Variants in ZNF320 observed in about 807,000 individuals in gnomAD.
The protein encoded by ZNF320 is zinc finger protein 320, also known as zinc finger gene 320.
Under a neutral mutation model 6.8 loss-of-function variants are expected in ZNF320, and 2 were observed. The observed-to-expected ratio is 0.29, with a 90% CI of 0.12 to 0.93. The LOEUF is 0.93. ZNF320 is among the 40% of genes least tolerant of loss of function. The probability of loss-of-function intolerance (pLI) is 0.55; values close to 1 mark genes in which losing one functional copy is unlikely to be tolerated. For synonymous variants in ZNF320, 208 were observed against 203.2 expected (o/e 1.02, Z -0.20); for missense variants, 472 against 611.0 (o/e 0.77, Z 2.40).
exon 6 of ZNF320, chr19:52,862,140 T>C (rs937979335): frequency 3.0e-5 from 12 of 404,032 alleles, no homozygotes; most frequent in Non-Finnish European, 3.5e-5. Flanking sequence ...GCAACAGTTC[T>C]AGCATTACCA....
chr19:52,871,182 TG>T (rs2063674927), downstream of ZNF320, among the ~76,000 whole-genome samples: 1 of 152,084 alleles, frequency 6.6e-6, no homozygotes, highest in Non-Finnish European at 1.5e-5. Flanking sequence ...TAGCCGCTTG[TG>T]GTGACACATG....
Position 52,866,917 on chromosome 19 carries a change from C to T in ZNF320, c.224-2758G>A, listed in dbSNP as rs137965569. On this transcript the variant is annotated intron_variant, in intron 5 of 5. Transcript: ENST00000673631. Reference sequence around the variant, plus strand: ...AAAAGAAATGACTAACAGTGTCAGACGGCTGAATTATGATGTCACGACTAC... The same window carrying T: ...AAAAGAAATGACTAACAGTGTCAGATGGCTGAATTATGATGTCACGACTAC... Among the ~76,000 whole-genome samples, 257 of 148,950 alleles carry T rather than the reference C, an allele frequency of 1.7e-3. 2 individuals are homozygous for T. Among genetic ancestry groups the T allele is most frequent in the Non-Finnish European group, 2.1e-3 (144 of 67,586 alleles).
chr19:52,888,978 G>C (rs1360627040), intron 4 of ZNF320, among the ~76,000 whole-genome samples: 1 of 152,076 alleles, frequency 6.6e-6, no homozygotes, highest in Non-Finnish European at 1.5e-5. Flanking sequence ...GAGGTCAGCA[G>C]TTTGAGACTA....
intron 5 of ZNF320, chr19:52,865,434 TTATA>T (rs1555814106): frequency 7.2e-5 from 11 of 153,294 alleles, no homozygotes; most frequent in East Asian, 5.2e-4. Context: ...GGTCCAGGCT[TTATA>T]TATATATATA....
chr19:52,874,631 C>A (rs901398549), downstream of ZNF320, among the ~76,000 whole-genome samples: 1 of 152,180 alleles, frequency 6.6e-6, no homozygotes, highest in South Asian at 2.1e-4. Flanking sequence ...GCTCTGCTCT[C>A]CACTTGGGGA....
intron 5 of ZNF320, among the ~76,000 whole-genome samples, chr19:52,870,312 C>T (rs1401492859): frequency 6.6e-6 from 1 of 151,416 alleles, no homozygotes; most frequent in Non-Finnish European, 1.5e-5. Flanking sequence ...AACCTCGTCT[C>T]TACTAAAAAT....
At chr19:52,898,891 C>G (rs556462575), upstream of ZNF320, among the ~76,000 whole-genome samples, 1 of 152,320 alleles carries the variant, frequency 6.6e-6, no homozygotes. Flanking sequence ...GGCCTGGTTT[C>G]GGGCCTGGCC....
chr19:52,889,471 G>A lies in ZNF320; in HGVS notation c.15+770C>T, dbSNP rs77821797. 3.1e-3 allele frequency among the ~76,000 whole-genome samples: 473 copies of A among 151,778 alleles called. 16 individuals are homozygous for A. The East Asian group carries it at 0.04, about 13-fold the overall frequency. On this transcript the variant is annotated intron_variant, in intron 4 of 5. Coordinates refer to ENST00000682928, the MANE Select transcript of ZNF320 (RefSeq NM_001351774.2). ...CATTTCAGAAAAAATAATAATAATA[G>A]TTATAGGTGGAATAAGAATATGGCT...
Position 52,878,057 on chromosome 19 carries a change from G to T in ZNF320, c.*2539C>A. 2 of 179,860 alleles carry T rather than the reference G, an allele frequency of 1.1e-5. No homozygotes were observed. Among genetic ancestry groups the T allele is most frequent in the Admixed American group, 5.2e-5 (1 of 19,394 alleles). 11.1% of individuals were successfully genotyped at this position (179,860 alleles called of 1,614,324 possible). ...TCAATAAAACATGTCCAACTCTCCA[G>T]ATAGTGGTGACATTTTCAGCTTGAT... is the stretch of plus-strand genomic sequence containing the variant. On this transcript the variant is annotated 3_prime_UTR_variant, in exon 6 of 6. Coordinates refer to ENST00000682928, the MANE Select transcript of ZNF320 (RefSeq NM_001351774.2).
rs141621077 is a variant in ZNF320, at chr19:52,864,944, T to A, written c.224-785A>T. ...AGAAGAATGGTGTGAACCTGGGAGG[T>A]AGAGCTTGCAGTGAGCCGAGATCGG... On this transcript the variant is annotated intron_variant, in intron 5 of 5. Coordinates refer to the ZNF320 transcript ENST00000673631. Among the ~76,000 whole-genome samples, 797 of 151,108 alleles carry A rather than the reference T, an allele frequency of 5.3e-3. 9 individuals are homozygous for A. Among genetic ancestry groups the A allele is most frequent in the African/African-American group, 0.016 (678 of 41,096 alleles).
intron 5 of ZNF320, chr19:52,865,531 TTA>T (rs1279912814): frequency 9.7e-5 from 13 of 134,668 alleles, no homozygotes; most frequent in South Asian, 2.1e-4. Flanking sequence ...ACATATATAT[TTA>T]TATATGATTA....
chr19:52,862,246 T>C (rs1438253223), exon 6 of ZNF320: 26 of 678,402 alleles, frequency 3.8e-5, no homozygotes, highest in Non-Finnish European at 4.2e-5. Flanking sequence ...CTAAAGGCTT[T>C]GCCACACTCA....
exon 6 of ZNF320, among the ~76,000 whole-genome samples, chr19:52,861,134 A>C (rs560612886): frequency 6.6e-6 from 1 of 152,352 alleles, no homozygotes; most frequent in African/African-American, 2.4e-5. Flanking sequence ...GTCAACCAAA[A>C]TACTACTGGA....
exon 6 of ZNF320, chr19:52,861,871 T>C (rs2063488529): frequency 5.2e-6 from 2 of 385,374 alleles, no homozygotes. Flanking sequence ...GATTCTCTGA[T>C]GCCTAATGAC....
intron 5 of ZNF320, among the ~76,000 whole-genome samples, chr19:52,866,379 C>T (rs945163751): frequency 6.6e-6 from 1 of 151,592 alleles, no homozygotes; most frequent in Non-Finnish European, 1.5e-5. Context: ...CTGCAGGAAC[C>T]CTCCACATAC....
chr19:52,869,872 C>CA (rs1437234067), intron 5 of ZNF320, among the ~76,000 whole-genome samples: 2 of 152,014 alleles, frequency 1.3e-5, no homozygotes, highest in Admixed American at 6.6e-5. Context: ...CCCGCCACCA[C>CA]ATCTGGCTAA....
At chr19:52,862,187 C>T in exon 6 of ZNF320, 2 of 454,572 alleles carry the variant, frequency 4.4e-6, no homozygotes, top group Non-Finnish European at 8.8e-6. Context: ...GTAAACTTTC[C>T]CTACACCATG....
upstream of ZNF320, among the ~76,000 whole-genome samples, chr19:52,902,521 A>G (rs1239372578): frequency 6.6e-6 from 1 of 152,210 alleles, no homozygotes; most frequent in African/African-American, 2.4e-5. Context: ...TGCTGTCTCA[A>G]TTGCCAAAGT....
In ZNF320 at chr19:52,878,518, G is replaced by T. The variant is rs2063825248; in HGVS notation, c.*2078C>A. 1 of 151,894 alleles carries T rather than the reference G, an allele frequency of 6.6e-6. No homozygotes were observed. 9.4% of individuals were successfully genotyped at this position (151,894 alleles called of 1,614,324 possible). A position where few individuals can be genotyped will look rare whatever the true frequency, so the allele number is the denominator to read the frequency against. On this transcript the variant is annotated 3_prime_UTR_variant, in exon 6 of 6. Coordinates refer to ENST00000682928, the MANE Select transcript of ZNF320 (RefSeq NM_001351774.2). ...CTTGCCTCGGCCTCCCAAAGTGCTG[G>T]GATTACAGGTGTGAGCCACCACACC... is the stretch of plus-strand genomic sequence containing the variant.
Sources: allele counts gnomAD v4.1 joint callset (sites outside exome capture counted in the v4.1 genomes callset), GRCh38; gene constraint gnomAD v4.1.1; transcripts MANE v1.5; gene names NCBI Gene and HGNC (gene_info 2026-07-23, HGNC 2026-07-21).